The following KHDRBS2 variants were observed in gnomAD, a reference collection of about 807,000 sequenced individuals.
KHDRBS2 encodes KH domain-containing, RNA-binding, signal transduction-associated protein 2.
Under a neutral mutation model 44.3 loss-of-function variants are expected in KHDRBS2, and 26 were observed. The observed-to-expected ratio is 0.59, with a 90% confidence interval of 0.43 to 0.81. The LOEUF (loss-of-function observed/expected upper bound fraction) is 0.81. Among genes scored for constraint, KHDRBS2 ranks in the 40% least tolerant of loss-of-function variants. KHDRBS2 has a pLI of 0.00. For synonymous variants in KHDRBS2, 194 were observed against 151.1 expected (o/e 1.28, Z -2.08); for missense variants, 476 against 433.1 (o/e 1.10, Z -0.88).
intron 6 of KHDRBS2, among the ~76,000 whole-genome samples, chr6:61,841,887 T>C (rs1793660353): frequency 6.6e-6 from 1 of 152,158 alleles, no homozygotes; most frequent in Non-Finnish European, 1.5e-5. Context: ...CCTTTCCTCA[T>C]TTGTGTTTTT....
the KHDRBS2 span, among the ~76,000 whole-genome samples, chr6:61,554,657 T>C: frequency 6.6e-6 from 1 of 152,196 alleles, no homozygotes; most frequent in Non-Finnish European, 1.5e-5. Flanking sequence ...TGTCTTTCCT[T>C]TCCATGTTTA....
At chr6:62,052,448 C>T (rs941775304) in intron 2 of KHDRBS2, among the ~76,000 whole-genome samples, 1 of 151,474 alleles carries the variant, frequency 6.6e-6, no homozygotes. Flanking sequence ...AAACTGTTTA[C>T]CATGGTTGGG....
At chr6:61,623,246 G>T in the KHDRBS2 span, among the ~76,000 whole-genome samples, 1 of 152,160 alleles carries the variant, frequency 6.6e-6, no homozygotes, top group African/African-American at 2.4e-5. Flanking sequence ...AGAGATATGG[G>T]TTCCAGGAGG....
intron 2 of KHDRBS2, among the ~76,000 whole-genome samples, chr6:62,116,602 T>C (rs1389136799): frequency 6.6e-6 from 1 of 152,204 alleles, no homozygotes; most frequent in Non-Finnish European, 1.5e-5. Flanking sequence ...TATGTCTTTG[T>C]GTTGGGAACA....
At chr6:62,007,335 C>T (rs1245707176) in intron 3 of KHDRBS2, among the ~76,000 whole-genome samples, 1 of 151,724 alleles carries the variant, frequency 6.6e-6, no homozygotes, top group African/African-American at 2.4e-5. Flanking sequence ...GACCTTTACT[C>T]TGCCATGATT....
intron 4 of KHDRBS2, among the ~76,000 whole-genome samples, chr6:61,972,862 T>A (rs1192439): frequency 0.26 from 40,205 of 152,154 alleles, 6,077 homozygotes; most frequent in Non-Finnish European, 0.32. Context: ...AAAAGACTGA[T>A]CAGCCAGGTG....
chr6:61,697,300 T>C (rs1219477637), intron 7 of KHDRBS2, 47 bp from the exon 8 acceptor site: 4 of 1,218,244 alleles, frequency 3.3e-6, no homozygotes, highest in Non-Finnish European at 3.7e-6. Flanking sequence ...ACCAGGAAAT[T>C]CAACCCAGAA....
intron 6 of KHDRBS2, among the ~76,000 whole-genome samples, chr6:61,860,360 A>C (rs936947984): frequency 6.6e-6 from 1 of 151,510 alleles, no homozygotes; most frequent in Non-Finnish European, 1.5e-5. Flanking sequence ...TCTTGATCCT[A>C]TTCCTCCTCC....
At chr6:61,574,479 C>T in the KHDRBS2 span, 13 of 1,198,758 alleles carry the variant, frequency 1.1e-5, no homozygotes, top group Non-Finnish European at 1.5e-5. Flanking sequence ...CAGGCTCTAA[C>T]CTACCAAACC....
intron 2 of KHDRBS2, among the ~76,000 whole-genome samples, chr6:62,100,180 G>A (rs1801539315): frequency 6.6e-6 from 1 of 152,206 alleles, no homozygotes; most frequent in African/African-American, 2.4e-5. Flanking sequence ...AACTGTAGAT[G>A]TAATGGAAAT....
At position 61,772,163 on chromosome 6, in the gene KHDRBS2, G is replaced by T. The variant is rs569155126; in HGVS notation, c.811-39399C>A. ...CAACATTGAACACATTGAACACATT[G>T]AAAGCATTGTGTAGAGGGAAATTTA... is the stretch of plus-strand genomic sequence containing the variant. On this transcript the variant is annotated intron_variant, in intron 6 of 8. Transcript: ENST00000281156. Among the ~76,000 whole-genome samples the T allele has an allele frequency of 8.5e-5, 13 of 152,218 alleles. No homozygotes were observed. The South Asian group carries it at 2.5e-3, about 29-fold the overall frequency.
intron 6 of KHDRBS2, among the ~76,000 whole-genome samples, chr6:61,740,638 AT>A (rs1366742402): frequency 2.0e-5 from 3 of 151,518 alleles, no homozygotes; most frequent in East Asian, 1.9e-4. Context: ...ACCCATGACT[AT>A]TTTTTTCCTC....
chr6:61,886,835 T>C (rs973513109), intron 6 of KHDRBS2, among the ~76,000 whole-genome samples: 6 of 152,164 alleles, frequency 3.9e-5, no homozygotes, highest in Admixed American at 6.5e-5. Flanking sequence ...CTTTTTAGAG[T>C]AGAGATAGTT....
intron 4 of KHDRBS2, among the ~76,000 whole-genome samples, chr6:61,963,535 T>G (rs1261690712): frequency 6.6e-6 from 1 of 152,068 alleles, no homozygotes; most frequent in Non-Finnish European, 1.5e-5. Context: ...ATTAGGGATG[T>G]GACTCTATGA....
intron 2 of KHDRBS2, among the ~76,000 whole-genome samples, chr6:62,106,809 A>C (rs1251624522): frequency 3.3e-5 from 5 of 152,146 alleles, no homozygotes; most frequent in Non-Finnish European, 7.3e-5. Flanking sequence ...AATAAATGTA[A>C]TCCAGCATAT....
chr6:62,020,363 G>T (rs1782030979), intron 3 of KHDRBS2, among the ~76,000 whole-genome samples: 1 of 151,926 alleles, frequency 6.6e-6, no homozygotes, highest in Admixed American at 6.6e-5. Context: ...TTATCACCCA[G>T]AATGTGGTAT....
At chr6:61,753,509 T>G (rs571129494) in intron 6 of KHDRBS2, among the ~76,000 whole-genome samples, 1 of 152,266 alleles carries the variant, frequency 6.6e-6, no homozygotes, top group South Asian at 2.1e-4. Context: ...AGAGAGAGAA[T>G]TGCAATTCAT....
At chr6:62,123,466 A>G (rs1257736252) in intron 2 of KHDRBS2, among the ~76,000 whole-genome samples, 1 of 152,242 alleles carries the variant, frequency 6.6e-6, no homozygotes, top group Admixed American at 6.5e-5. Flanking sequence ...TCCTTGAGGA[A>G]TCGCCACACT....
chr6:62,240,221 G>T (rs950454433), intron 1 of KHDRBS2, among the ~76,000 whole-genome samples: 1 of 151,978 alleles, frequency 6.6e-6, no homozygotes, highest in African/African-American at 2.4e-5. Flanking sequence ...CTCCAGATTT[G>T]CCACTGGGAG....
Sources: allele counts gnomAD v4.1 joint callset (sites outside exome capture counted in the v4.1 genomes callset), GRCh38; gene constraint gnomAD v4.1.1; transcripts MANE v1.5; gene names NCBI Gene and HGNC (gene_info 2026-07-23, HGNC 2026-07-21).